Variants in TRUB1 observed in about 807,000 individuals in gnomAD.
TRUB1 encodes TruB pseudouridine synthase family member 1.
A neutral mutation model predicts 33.9 loss-of-function variants in TRUB1; 23 were observed. That is an observed-to-expected ratio of 0.68 (90% CI 0.49 to 0.96). TRUB1 has a LOEUF of 0.96. Ranked by LOEUF, TRUB1 falls within the 40% of genes least tolerant of loss-of-function variation. TRUB1 has a pLI of 0.00. For synonymous variants in TRUB1, 163 were observed against 165.4 expected, an observed-to-expected ratio of 0.99 and a Z score of 0.11; for missense variants, 378 against 422.2, an observed-to-expected ratio of 0.90 and a Z score of 0.92.
At chr10:114,962,712 G>A (rs1210649182) in intron 4 of TRUB1, among the ~76,000 whole-genome samples, 3 of 152,162 alleles carry the variant, frequency 2.0e-5, no homozygotes, top group Admixed American at 2.0e-4. Flanking sequence ...CCTGTGTACT[G>A]TCAGACTTCA....
At position 114,938,234 on chromosome 10, in the gene TRUB1, C is replaced by A. The variant is rs763281166; in HGVS notation, c.-20C>A. The A allele has an allele frequency of 6.2e-7, 1 of 1,607,878 alleles. No individual in the cohort carries two copies. The highest frequency in any genetic ancestry group is 8.5e-7 in the Non-Finnish European group (1 of 1,178,394). On this transcript the variant is annotated 5_prime_UTR_variant, in exon 1 of 8. Coordinates refer to ENST00000298746, the MANE Select transcript of TRUB1 (RefSeq NM_139169.5). ...ATCAGCGTGCACCTCCACGATGAAA[C>A]AGGTCTGGGCTACAAAAGTATGGCC...
chr10:114,973,094 C>G (rs1223580617), intron 6 of TRUB1, among the ~76,000 whole-genome samples: 2 of 151,870 alleles, frequency 1.3e-5, no homozygotes, highest in Non-Finnish European at 2.9e-5. Context: ...TTTTTATTGG[C>G]ATTATTGTTT....
At chr10:114,964,842 C>T (rs955996350) in intron 4 of TRUB1, among the ~76,000 whole-genome samples, 1 of 151,594 alleles carries the variant, frequency 6.6e-6, no homozygotes, top group Non-Finnish European at 1.5e-5. Flanking sequence ...ATACACCAGA[C>T]TATATTAATT....
intron 4 of TRUB1, among the ~76,000 whole-genome samples, chr10:114,964,001 G>A (rs551391223): frequency 2.0e-5 from 3 of 152,122 alleles, no homozygotes; most frequent in Middle Eastern, 3.4e-3. Flanking sequence ...GCGTGTGCAC[G>A]TGTGTGCCTG....
chr10:114,972,400 A>G (rs1181915566), intron 6 of TRUB1, 126 bp downstream of exon 6: 1 of 1,121,776 alleles, frequency 8.9e-7, no homozygotes, highest in East Asian at 2.6e-5. Flanking sequence ...ATTTAAGGAA[A>G]GTTAGGATTT....
At chr10:114,939,361 A>G (rs2084174662) in intron 1 of TRUB1, among the ~76,000 whole-genome samples, 2 of 152,214 alleles carry the variant, frequency 1.3e-5, no homozygotes, top group Admixed American at 1.3e-4. Flanking sequence ...GATGAAAGAT[A>G]ACTCTCTTAC....
chr10:114,963,200 C>T (rs1053396255), intron 4 of TRUB1, among the ~76,000 whole-genome samples: 9 of 152,188 alleles, frequency 5.9e-5, no homozygotes, highest in African/African-American at 1.9e-4. Flanking sequence ...TTATTCTAAA[C>T]ACCACCACCC....
rs1358419844 is a variant in TRUB1 at position 114,938,262 on chromosome 10, T to A, written c.9T>A (p.Ala3=). Residue 3 remains alanine (A), a synonymous_variant, in exon 1 of 8, where the codon GCT becomes GCA. Transcript: ENST00000298746. ...GTCTGGGCTACAAAAGTATGGCCGC[T>A]TCTGAGGCGGCGGTGGTGTCTTCGC... MA[A]SEAAVVSSPS... 1 of 1,614,188 alleles carries A rather than the reference T, an allele frequency of 6.2e-7. No homozygotes were observed. Among genetic ancestry groups the A allele is most frequent in the Non-Finnish European group, 8.5e-7 (1 of 1,180,018 alleles).
At position 114,959,806 on chromosome 10, in the gene TRUB1, C is replaced by A; in HGVS notation, c.522C>A (p.Tyr174Ter). 1 of 1,585,808 alleles carries A rather than the reference C, an allele frequency of 6.3e-7. No homozygotes were observed. The highest frequency in any genetic ancestry group is 8.7e-7 in the Non-Finnish European group (1 of 1,155,640). Residue 174 changes from tyrosine (Y) to a stop codon, truncating the protein, a stop_gained and splice_region_variant, in exon 4 of 8, where the codon TAC (tyrosine) becomes TAA (stop). Coordinates refer to ENST00000298746, the MANE Select transcript of TRUB1 (RefSeq NM_139169.5). LOFTEE classifies it high-confidence loss of function. ...STGRVTEEKP[Y>*]DKITQEDIEG... is the part of the protein sequence containing the mutation. ...GGAGGGTAACAGAAGAAAAACCTTA[C>A]GGTATGAAGCTCATCTAATGTAGGC...
chr10:114,952,741 C>G (rs2084242700), intron 3 of TRUB1, among the ~76,000 whole-genome samples: 1 of 152,108 alleles, frequency 6.6e-6, no homozygotes, highest in South Asian at 2.1e-4. Flanking sequence ...ATAAAAATTG[C>G]ATTAGAATGA....
chr10:114,939,772 C>T (rs999435613), intron 1 of TRUB1, among the ~76,000 whole-genome samples: 2 of 150,784 alleles, frequency 1.3e-5, no homozygotes, highest in African/African-American at 4.9e-5. Flanking sequence ...TTTTAGTTTT[C>T]CTTCATAGAA....
At chr10:114,971,899 G>A (rs1227156273) in intron 5 of TRUB1, among the ~76,000 whole-genome samples, 1 of 152,182 alleles carries the variant, frequency 6.6e-6, no homozygotes, top group African/African-American at 2.4e-5. Context: ...CATATTGTGT[G>A]CCAGAATGAG....
intron 5 of TRUB1, 106 bp from the exon 6 acceptor site, chr10:114,972,029 C>A: frequency 7.6e-7 from 1 of 1,310,506 alleles, no homozygotes; most frequent in Non-Finnish European, 1.1e-6. Flanking sequence ...TGCCAGTCAT[C>A]CTTCCTTTCC....
chr10:114,959,084 C>T (rs1306483760), intron 3 of TRUB1, among the ~76,000 whole-genome samples: 1 of 152,120 alleles, frequency 6.6e-6, no homozygotes, highest in Admixed American at 6.5e-5. Context: ...TGCAGTGAGC[C>T]GAGATCGCAC....
At position 114,977,645 on chromosome 10, in the gene TRUB1, T is replaced by G; in HGVS notation, c.*2266T>G. 6.6e-6 allele frequency: 1 copy of G among 152,018 alleles called. No homozygotes were observed. Among genetic ancestry groups the G allele is most frequent in the East Asian group, 1.9e-4 (1 of 5,204 alleles). The allele number at this position is 152,018 out of a possible 1,614,324, so 9.4% of individuals were successfully genotyped here. On this transcript the variant is annotated 3_prime_UTR_variant, in exon 8 of 8. Transcript: ENST00000298746. ...TGATTTATCTGTATACTTTGTTCATTTATATAAATAAATGTCTTAATGGTT... is the reference window on the plus strand; with the variant it reads ...TGATTTATCTGTATACTTTGTTCATGTATATAAATAAATGTCTTAATGGTT...
intron 6 of TRUB1, 71 bp downstream of exon 6, chr10:114,972,345 C>A: frequency 1.4e-6 from 2 of 1,463,192 alleles, no homozygotes; most frequent in South Asian, 2.7e-5. Context: ...ACTTTTGTGT[C>A]ATTTTAATAG....
chr10:114,958,671 G>A (rs929775605), intron 3 of TRUB1, among the ~76,000 whole-genome samples: 1 of 152,108 alleles, frequency 6.6e-6, no homozygotes, highest in African/African-American at 2.4e-5. Flanking sequence ...TAAAATTTGC[G>A]TTTGACCAAA....
At chr10:114,951,047 T>C (rs2084232906) in intron 2 of TRUB1, 47 bp from the exon 3 acceptor site, 3 of 1,518,454 alleles carry the variant, frequency 2.0e-6, no homozygotes, top group Non-Finnish European at 2.7e-6. Flanking sequence ...TTTAAAAACC[T>C]AGTTTTCAGA....
At chr10:114,974,683 CAA>C (rs745691662) in intron 7 of TRUB1, among the ~76,000 whole-genome samples, 14 of 129,602 alleles carry the variant, frequency 1.1e-4, no homozygotes, top group Admixed American at 7.8e-5. Context: ...AACTAGGGAT[CAA>C]AAAAAAAAAA....
Sources: allele counts gnomAD v4.1 joint callset (sites outside exome capture counted in the v4.1 genomes callset), GRCh38; gene constraint gnomAD v4.1.1; transcripts MANE v1.5; gene names NCBI Gene and HGNC (gene_info 2026-07-23, HGNC 2026-07-21).